The following ANKS1B variants were observed in gnomAD, a reference collection of about 807,000 sequenced individuals.
The protein encoded by ANKS1B is ankyrin repeat and sterile alpha motif domain-containing protein 1B.
In ANKS1B, 36 loss-of-function variants were observed where a neutral mutation model predicts 148.3. The observed-to-expected ratio is 0.24, with a 90% confidence interval of 0.19 to 0.32. The LOEUF (loss-of-function observed/expected upper bound fraction) is 0.32. Among genes scored for constraint, ANKS1B ranks in the 10% least tolerant of loss-of-function variants. ANKS1B has a pLI of 1.00. For synonymous variants in ANKS1B, 542 were observed against 560.8 expected, an observed-to-expected ratio of 0.97 and a Z score of 0.47; for missense variants, 1,157 against 1,542.6, an observed-to-expected ratio of 0.75 and a Z score of 4.19.
intron 10 of ANKS1B, among the ~76,000 whole-genome samples, chr12:99,480,301 C>T (rs564758194): frequency 1.3e-4 from 19 of 151,726 alleles, no homozygotes; most frequent in Non-Finnish European, 2.7e-4. Flanking sequence ...AGTGTGATAT[C>T]AAGAAAATGT....
At chr12:99,455,334 G>A (rs1239089322) in intron 10 of ANKS1B, among the ~76,000 whole-genome samples, 1 of 152,164 alleles carries the variant, frequency 6.6e-6, no homozygotes, top group African/African-American at 2.4e-5. Flanking sequence ...GGACTAACTT[G>A]CAGCTGCCAC....
At chr12:98,760,330 T>C (rs1176849071) in intron 25 of ANKS1B, among the ~76,000 whole-genome samples, 2 of 152,132 alleles carry the variant, frequency 1.3e-5, no homozygotes, top group Non-Finnish European at 2.9e-5. Context: ...AGTGGCACAG[T>C]CATGGCTCAC....
intron 9 of ANKS1B, among the ~76,000 whole-genome samples, chr12:99,553,339 C>G (rs1033697925): frequency 2.6e-5 from 4 of 152,106 alleles, no homozygotes; most frequent in African/African-American, 9.7e-5. Context: ...TGATATTATT[C>G]AATGCAGTAA....
At chr12:99,794,460 T>TACACACACACACACACAC (rs148663206) in intron 4 of ANKS1B, among the ~76,000 whole-genome samples, 4,064 of 143,584 alleles carry the variant, frequency 0.028, 84 homozygotes, top group African/African-American at 0.041. Flanking sequence ...GAAAATGTGG[T>TACACACACACACACACAC]ACACACACAC....
intron 14 of ANKS1B, among the ~76,000 whole-genome samples, chr12:99,193,792 T>C (rs1259930446): frequency 1.5e-5 from 2 of 130,106 alleles, no homozygotes; most frequent in Admixed American, 8.3e-5. Context: ...TATTTCTAGT[T>C]CTTTTTTTTT....
intron 15 of ANKS1B, among the ~76,000 whole-genome samples, chr12:99,087,550 T>C (rs923914945): frequency 5.9e-5 from 9 of 152,202 alleles, no homozygotes; most frequent in Admixed American, 3.9e-4. Context: ...AGAATACAAA[T>C]GACTTCATTT....
chr12:99,354,354 G>A (rs1448362054), intron 12 of ANKS1B, among the ~76,000 whole-genome samples: 1 of 151,978 alleles, frequency 6.6e-6, no homozygotes, highest in African/African-American at 2.4e-5. Flanking sequence ...GGTTTTGGAT[G>A]CACCAGAAAT....
At chr12:99,939,292 G>A in intron 1 of ANKS1B, among the ~76,000 whole-genome samples, 1 of 152,088 alleles carries the variant, frequency 6.6e-6, no homozygotes, top group East Asian at 1.9e-4. Context: ...ATCTCACTGT[G>A]TTTCCCAGGC....
intron 25 of ANKS1B, among the ~76,000 whole-genome samples, chr12:98,762,376 GCA>G (rs2098420781): frequency 6.6e-6 from 1 of 152,120 alleles, no homozygotes; most frequent in Admixed American, 6.5e-5. Flanking sequence ...AGAGATGCAC[GCA>G]CAGTTGATGC....
rs928454809 is a variant in ANKS1B at position 99,222,025 on chromosome 12, C to A, written c.2419+22317G>T. On this transcript the variant is annotated intron_variant, in intron 14 of 26. Coordinates refer to ENST00000683438, the MANE Select transcript of ANKS1B (RefSeq NM_001352186.2). Reference sequence around the variant, plus strand: ...TCACACAACTAAATACCAGAAAGTGCTCTATGTTCTACTGTGGAAATATCT... The same window carrying A: ...TCACACAACTAAATACCAGAAAGTGATCTATGTTCTACTGTGGAAATATCT... 3.3e-5 allele frequency among the ~76,000 whole-genome samples: 5 copies of A among 151,818 alleles called. No homozygotes were observed. The East Asian group carries it at 9.6e-4, about 29-fold the overall frequency.
At chr12:99,894,448 G>T (rs1228030361) in intron 1 of ANKS1B, among the ~76,000 whole-genome samples, 1 of 148,844 alleles carries the variant, frequency 6.7e-6, no homozygotes, top group Non-Finnish European at 1.5e-5. Context: ...GGTCAAGGCT[G>T]CAGTGAGCCA....
At chr12:99,714,268 C>A (rs1399794638) in intron 8 of ANKS1B, among the ~76,000 whole-genome samples, 3 of 152,100 alleles carry the variant, frequency 2.0e-5, no homozygotes, top group Non-Finnish European at 4.4e-5. Flanking sequence ...CTCATAAGAA[C>A]CCTTGTGATT....
intron 8 of ANKS1B, among the ~76,000 whole-genome samples, chr12:99,676,208 C>T (rs1197869796): frequency 6.6e-6 from 1 of 152,130 alleles, no homozygotes; most frequent in East Asian, 1.9e-4. Flanking sequence ...GCTTCCCCAG[C>T]CCTGTGGAAC....
chr12:99,320,978 C>T (rs749186474), intron 12 of ANKS1B, among the ~76,000 whole-genome samples: 1 of 152,106 alleles, frequency 6.6e-6, no homozygotes, highest in African/African-American at 2.4e-5. Context: ...CACTCCAGAC[C>T]CTGTTTGCCT....
At chr12:99,486,760 T>C (rs539120232) in intron 10 of ANKS1B, among the ~76,000 whole-genome samples, 2 of 152,264 alleles carry the variant, frequency 1.3e-5, no homozygotes, top group East Asian at 3.9e-4. Context: ...CACACTCCTG[T>C]CCTAGTGCTC....
chr12:99,238,483 A>T (rs1468202388), intron 14 of ANKS1B, among the ~76,000 whole-genome samples: 1 of 152,220 alleles, frequency 6.6e-6, no homozygotes, highest in South Asian at 2.1e-4. Context: ...GGAAGGGCAT[A>T]GCAGAACAAA....
chr12:99,927,114 C>A (rs2094494926), intron 1 of ANKS1B, among the ~76,000 whole-genome samples: 1 of 151,946 alleles, frequency 6.6e-6, no homozygotes, highest in South Asian at 2.1e-4. Context: ...GGGAGTTAGG[C>A]CTAAGAAAAT....
At chr12:99,672,287 C>A (rs1475152574) in intron 8 of ANKS1B, among the ~76,000 whole-genome samples, 1 of 152,036 alleles carries the variant, frequency 6.6e-6, no homozygotes, top group East Asian at 1.9e-4. Flanking sequence ...AATTCATTCC[C>A]CATTTCTTCA....
intron 8 of ANKS1B, among the ~76,000 whole-genome samples, chr12:99,708,014 C>A (rs1030143848): frequency 6.6e-6 from 1 of 152,056 alleles, no homozygotes; most frequent in Non-Finnish European, 1.5e-5. Context: ...ACTCTATAAG[C>A]AATGCGGAGG....
Sources: gnomAD v4.1 joint callset for allele counts (sites outside exome capture counted in the v4.1 genomes callset) on GRCh38, gnomAD v4.1.1 for gene constraint, MANE v1.5 for transcripts, NCBI Gene and HGNC (gene_info 2026-07-23, HGNC 2026-07-21) for gene names.